The following IFT70A variants were observed in gnomAD, a reference collection of about 807,000 sequenced individuals.
IFT70A encodes intraflagellar transport 70A, also known as intraflagellar transport protein 70A.
chr2:177,618,667 C>G, the IFT70A span: 7 of 1,599,608 alleles, frequency 4.4e-6, no homozygotes, highest in Admixed American at 3.4e-5. Context: ...GGTAAACTCC[C>G]CGTCGGGGAT....
At chr2:177,618,181 C>G in the IFT70A span, 1 of 1,614,246 alleles carries the variant, frequency 6.2e-7, no homozygotes, top group Non-Finnish European at 8.5e-7. Flanking sequence ...AAACTTGGAG[C>G]ATGCAGCTTC....
chr2:177,618,571 C>G, the IFT70A span: 1 of 1,599,360 alleles, frequency 6.3e-7, no homozygotes, highest in Non-Finnish European at 8.5e-7. Flanking sequence ...GCCGGCACGG[C>G]TCCTGGGGCT....
At chr2:177,618,535 T>C in the IFT70A span, 5 of 1,591,958 alleles carry the variant, frequency 3.1e-6, no homozygotes, top group Non-Finnish European at 4.3e-6. Flanking sequence ...CTGCAGGCGG[T>C]AGTAGCAGTA....
the IFT70A span, chr2:177,615,232 C>A: frequency 2.0e-5 from 3 of 152,168 alleles, no homozygotes; most frequent in Non-Finnish European, 4.4e-5. Context: ...GCAGGAGAGG[C>A]TCTAAATATT....
the IFT70A span, chr2:177,618,404 G>C: frequency 1.2e-6 from 2 of 1,612,732 alleles, no homozygotes; most frequent in Non-Finnish European, 1.7e-6. Context: ...AAGGCGACCC[G>C]AGTGGCCTCC....
At chr2:177,618,487 C>T in the IFT70A span, 2 of 1,585,888 alleles carry the variant, frequency 1.3e-6, no homozygotes, top group Non-Finnish European at 1.7e-6. Context: ...GTGCAGCTGG[C>T]CCAGCTGCTC....
At chr2:177,613,839 T>C in the IFT70A span, 2 of 152,202 alleles carry the variant, frequency 1.3e-5, no homozygotes, top group Non-Finnish European at 2.9e-5. Flanking sequence ...TGTGTTTTAT[T>C]TCACAAACGT....
the IFT70A span, chr2:177,618,410 C>T: frequency 6.2e-7 from 1 of 1,612,554 alleles, no homozygotes; most frequent in Non-Finnish European, 8.5e-7. Context: ...ACCCGAGTGG[C>T]CTCCGGATAA....
the IFT70A span, chr2:177,617,199 C>T: frequency 6.2e-7 from 1 of 1,609,318 alleles, no homozygotes. Flanking sequence ...AGAGATTAGC[C>T]AGTACAATAG....
the IFT70A span, chr2:177,617,180 A>G: frequency 6.2e-7 from 1 of 1,609,756 alleles, no homozygotes; most frequent in Non-Finnish European, 8.5e-7. Context: ...GTCATAATAT[A>G]GGAAACACAG....
the IFT70A span, chr2:177,615,339 TCTC>T: frequency 2.6e-5 from 4 of 152,026 alleles, no homozygotes; most frequent in Non-Finnish European, 5.9e-5. Flanking sequence ...TAAAAGCAAA[TCTC>T]CTCTTCCCGA....
chr2:177,615,775 G>A, the IFT70A span: 1 of 152,064 alleles, frequency 6.6e-6, no homozygotes, highest in Non-Finnish European at 1.5e-5. Context: ...AAATGATTGT[G>A]AAATCCCAAA....
the IFT70A span, chr2:177,616,768 G>C: frequency 1.3e-6 from 2 of 1,580,260 alleles, no homozygotes; most frequent in East Asian, 4.5e-5. Context: ...ATCTGTGACT[G>C]TATTCTTCCC....
chr2:177,616,636 TA>T, the IFT70A span: 1 of 1,345,902 alleles, frequency 7.4e-7, no homozygotes, highest in Non-Finnish European at 1.0e-6. Context: ...ATGCCAAGGC[TA>T]AATACAGATA....
At chr2:177,617,710 C>T in the IFT70A span, 3 of 1,614,172 alleles carry the variant, frequency 1.9e-6, no homozygotes, top group Non-Finnish European at 2.5e-6. Flanking sequence ...CTCATATTTA[C>T]AGTAGAGCAG....
chr2:177,617,652 C>T, the IFT70A span: 159 of 1,614,164 alleles, frequency 9.9e-5, 1 homozygote, highest in African/African-American at 1.7e-3. Context: ...GGAACTTATA[C>T]GTCAAATGGG....
chr2:177,616,601 G>A, the IFT70A span: 1 of 1,101,792 alleles, frequency 9.1e-7, no homozygotes, highest in Non-Finnish European at 1.3e-6. Flanking sequence ...AAGTGGATAA[G>A]ATTCAAAATA....
At chr2:177,613,106 TTC>T in the IFT70A span, 1 of 152,240 alleles carries the variant, frequency 6.6e-6, no homozygotes, top group Non-Finnish European at 1.5e-5. Context: ...TCTCCTCAGT[TTC>T]TGAAACTACT....
At chr2:177,618,155 C>A in the IFT70A span, 8 of 1,614,222 alleles carry the variant, frequency 5.0e-6, no homozygotes, top group Middle Eastern at 5.0e-4. Context: ...TAGCCCGAGG[C>A]CTGCAGTGTG....
Sources: gnomAD v4.1 joint callset for allele counts on GRCh38, gnomAD v4.1.1 for gene constraint, MANE v1.5 for transcripts, NCBI Gene and HGNC (gene_info 2026-07-23, HGNC 2026-07-21) for gene names.